The following SLC25A21 variants were observed in gnomAD, a reference collection of about 807,000 sequenced individuals.
SLC25A21 encodes mitochondrial 2-oxodicarboxylate carrier.
A neutral mutation model predicts 43.8 loss-of-function variants in SLC25A21; 47 were observed. The observed-to-expected ratio is 1.07, with a 90% CI of 0.85 to 1.37. The LOEUF is 1.37. SLC25A21 is among the 40% of genes most tolerant of loss of function. The probability of loss-of-function intolerance (pLI) is 0.00; values close to 1 mark genes in which losing one functional copy is unlikely to be tolerated. For synonymous variants in SLC25A21, 131 were observed against 121.3 expected (o/e 1.08, Z -0.52); for missense variants, 352 against 350.2 (o/e 1.00, Z -0.04).
chr14:36,865,167 C>T (rs1402663771), intron 2 of SLC25A21, among the ~76,000 whole-genome samples: 1 of 152,044 alleles, frequency 6.6e-6, no homozygotes, highest in Non-Finnish European at 1.5e-5. Context: ...TGTTTCCCCT[C>T]CTCCCTGCTA....
intron 3 of SLC25A21, among the ~76,000 whole-genome samples, chr14:36,776,244 T>TC (rs1886825616): frequency 8.2e-6 from 1 of 121,632 alleles, no homozygotes; most frequent in South Asian, 2.6e-4. Flanking sequence ...CTTTCTTTTT[T>TC]TTTTTTTTTT....
intron 6 of SLC25A21, among the ~76,000 whole-genome samples, chr14:36,721,195 A>C (rs546148293): frequency 6.6e-6 from 1 of 152,356 alleles, no homozygotes; most frequent in African/African-American, 2.4e-5. Flanking sequence ...TTCTCATAAC[A>C]ATCATGTTGT....
intron 3 of SLC25A21, among the ~76,000 whole-genome samples, chr14:36,766,519 G>T (rs1886421426): frequency 6.6e-6 from 1 of 152,054 alleles, no homozygotes. Flanking sequence ...CTCATGCTGG[G>T]TCCCACAACC....
At chr14:36,943,445 G>T (rs1192401530) in intron 1 of SLC25A21, among the ~76,000 whole-genome samples, 1 of 152,154 alleles carries the variant, frequency 6.6e-6, no homozygotes, top group East Asian at 1.9e-4. Context: ...GCCCGCCTTG[G>T]CCTCCCAAAA....
chr14:36,892,452 A>G (rs1272853602), intron 1 of SLC25A21, among the ~76,000 whole-genome samples: 10 of 152,182 alleles, frequency 6.6e-5, no homozygotes, highest in Non-Finnish European at 1.2e-4. Flanking sequence ...AGCCATAAAA[A>G]GAAGGAAATC....
intron 1 of SLC25A21, among the ~76,000 whole-genome samples, chr14:37,011,453 T>C (rs1026568457): frequency 1.3e-5 from 2 of 152,218 alleles, no homozygotes; most frequent in Admixed American, 6.5e-5. Context: ...AAAACTTCTA[T>C]AGGAATAAGC....
intron 1 of SLC25A21, among the ~76,000 whole-genome samples, chr14:37,020,340 A>C (rs10143620): frequency 0.14 from 21,606 of 151,862 alleles, 1,818 homozygotes; most frequent in African/African-American, 0.23. Context: ...ATAAGTCATT[A>C]GATTGAGAAG....
intron 1 of SLC25A21, among the ~76,000 whole-genome samples, chr14:36,966,022 C>G (rs1959605106): frequency 6.6e-6 from 1 of 151,998 alleles, no homozygotes; most frequent in African/African-American, 2.4e-5. Flanking sequence ...TATGTACCTA[C>G]AAAATTAAAA....
intron 1 of SLC25A21, among the ~76,000 whole-genome samples, chr14:37,044,255 T>C (rs1165742650): frequency 1.3e-5 from 2 of 152,190 alleles, no homozygotes; most frequent in African/African-American, 4.8e-5. Context: ...ATAATATTTT[T>C]TAATGCTCAA....
chr14:37,004,362 G>A (rs1360782877), intron 1 of SLC25A21, among the ~76,000 whole-genome samples: 2 of 152,128 alleles, frequency 1.3e-5, no homozygotes, highest in Non-Finnish European at 2.9e-5. Flanking sequence ...TGTCAAGAAT[G>A]TTTTATCTAC....
chr14:36,862,117 C>T (rs1890083303), intron 2 of SLC25A21, among the ~76,000 whole-genome samples: 1 of 152,160 alleles, frequency 6.6e-6, no homozygotes. Flanking sequence ...ACAACACATG[C>T]TGGAGAGGAT....
chr14:36,801,546 C>G (rs1418287037), intron 3 of SLC25A21, among the ~76,000 whole-genome samples: 1 of 152,130 alleles, frequency 6.6e-6, no homozygotes, highest in Non-Finnish European at 1.5e-5. Flanking sequence ...GTCTTGTAGC[C>G]TCTCATCAGT....
chr14:36,921,356 A>T (rs530532649), intron 1 of SLC25A21, among the ~76,000 whole-genome samples: 167 of 152,290 alleles, frequency 1.1e-3, no homozygotes, highest in Non-Finnish European at 2.0e-3. Flanking sequence ...TGTACATAAA[A>T]GGCACATCCT....
At chr14:37,154,663 A>C (rs1366009765) in intron 1 of SLC25A21, among the ~76,000 whole-genome samples, 1 of 146,582 alleles carries the variant, frequency 6.8e-6, no homozygotes, top group Non-Finnish European at 1.5e-5. Context: ...TTTTTTTGAG[A>C]TGGAGTTTCA....
At chr14:36,871,400 G>GT (rs779800681) in intron 2 of SLC25A21, among the ~76,000 whole-genome samples, 14 of 152,128 alleles carry the variant, frequency 9.2e-5, no homozygotes, top group Non-Finnish European at 1.2e-4. Flanking sequence ...AATTTCTGTT[G>GT]TCTATAAGTT....
At chr14:36,918,870 T>C (rs187668866) in intron 1 of SLC25A21, among the ~76,000 whole-genome samples, 11 of 152,236 alleles carry the variant, frequency 7.2e-5, no homozygotes, top group Non-Finnish European at 8.8e-5. Context: ...AAGATCCTTT[T>C]AAGTGTAAGA....
chr14:37,083,158 A>G (rs1962420605), intron 1 of SLC25A21, among the ~76,000 whole-genome samples: 1 of 152,118 alleles, frequency 6.6e-6, no homozygotes, highest in Non-Finnish European at 1.5e-5. Context: ...TAAAAGAGGT[A>G]TAATAGGATG....
At chr14:36,840,514 C>G (rs1046056330) in intron 2 of SLC25A21, among the ~76,000 whole-genome samples, 1 of 152,182 alleles carries the variant, frequency 6.6e-6, no homozygotes, top group African/African-American at 2.4e-5. Context: ...GTAACCTGAA[C>G]AAATTCCTTA....
intron 1 of SLC25A21, among the ~76,000 whole-genome samples, chr14:37,141,214 CT>C (rs1340911726): frequency 6.6e-6 from 1 of 152,080 alleles, no homozygotes; most frequent in Admixed American, 6.6e-5. Flanking sequence ...GAAATTCAAG[CT>C]TTTTTATATA....
Sources: allele counts gnomAD v4.1 joint callset (sites outside exome capture counted in the v4.1 genomes callset), GRCh38; gene constraint gnomAD v4.1.1; transcripts MANE v1.5; gene names NCBI Gene and HGNC (gene_info 2026-07-23, HGNC 2026-07-21).